Variants in INIP observed in about 807,000 individuals in gnomAD.
INIP encodes the protein INTS3 and NABP interacting protein.
Under a neutral mutation model 14.0 loss-of-function variants are expected in INIP, and 9 were observed. That is an observed-to-expected ratio of 0.64 (90% confidence interval 0.39 to 1.12). The LOEUF (loss-of-function observed/expected upper bound fraction) is 1.12, where lower values mean the gene tolerates loss of function less well. Among genes scored for constraint, INIP ranks in the 50% most tolerant of loss-of-function variants. The probability of loss-of-function intolerance (pLI) is 0.01; values close to 1 mark genes in which losing one functional copy is unlikely to be tolerated. For synonymous variants in INIP, 37 were observed against 41.5 expected (o/e 0.89, Z 0.41); for missense variants, 78 against 122.7 (o/e 0.64, Z 1.72).
In INIP at chr9:112,687,327, A is replaced by G. The variant is rs1008169998; in HGVS notation, c.*211T>C. ...TACAAAAAAGTTACAGTCACGGTAC[A>G]TAATCAATTCCTTGGACGATACAGC... is the stretch of plus-strand genomic sequence containing the variant. On this transcript the variant is annotated 3_prime_UTR_variant, in exon 5 of 5. Transcript: ENST00000374242. 2 of 454,740 alleles carry G rather than the reference A, an allele frequency of 4.4e-6. No individual in the cohort carries two copies. Among genetic ancestry groups the G allele is most frequent in the Non-Finnish European group, 4.0e-6 (1 of 249,862 alleles). The allele number at this position is 454,740 out of a possible 1,614,324, so 28.2% of individuals were successfully genotyped here. A position where few individuals can be genotyped will look rare whatever the true frequency, so the allele number is the denominator to read the frequency against.
At chr9:112,700,870 G>A (rs1184593412) in intron 2 of INIP, among the ~76,000 whole-genome samples, 4 of 151,890 alleles carry the variant, frequency 2.6e-5, no homozygotes, top group Non-Finnish European at 5.9e-5. Flanking sequence ...TATAGTTCCT[G>A]GCCAAGAGTG....
In INIP at chr9:112,708,441, C is replaced by G. The variant is rs533096656; in HGVS notation, c.25+8020G>C. 5.9e-5 allele frequency among the ~76,000 whole-genome samples: 9 copies of G among 152,176 alleles called. No homozygotes were observed. In the South Asian group the frequency reaches 1.0e-3, roughly 18 times the overall value. ...GTGGATGGAAATGCAGAGATACAAACGGATCCAATAGCTATTTAGGAAGTT... is the reference window on the plus strand; with the variant it reads ...GTGGATGGAAATGCAGAGATACAAAGGGATCCAATAGCTATTTAGGAAGTT... On this transcript the variant is annotated intron_variant, in intron 2 of 4. Transcript: ENST00000374242.
At chr9:112,715,133 TACAC>T (rs58647648) in intron 2 of INIP, among the ~76,000 whole-genome samples, 11,640 of 133,348 alleles carry the variant, frequency 0.087, 804 homozygotes, top group African/African-American at 0.21. Context: ...CATACATACA[TACAC>T]ACACACACAC....
intron 2 of INIP, among the ~76,000 whole-genome samples, chr9:112,698,539 T>C (rs1838181650): frequency 6.6e-6 from 1 of 152,140 alleles, no homozygotes; most frequent in African/African-American, 2.4e-5. Flanking sequence ...GAAACATAAT[T>C]AGCAAAGCAA....
At chr9:112,692,629 C>T (rs1437789298) in intron 3 of INIP, among the ~76,000 whole-genome samples, 3 of 151,562 alleles carry the variant, frequency 2.0e-5, no homozygotes, top group African/African-American at 2.4e-5. Context: ...AGACTGAATA[C>T]CTATAATAAA....
In INIP at chr9:112,689,579, C is replaced by T. The variant is rs1376185205; in HGVS notation, c.167G>A (p.Arg56Gln). Reference sequence around the variant, plus strand: ...AATATGCTGCTGCTCAGCGTGATCCCGGAAGTCCTTATTAAGAGAGGGTCT... The same window carrying T: ...AATATGCTGCTGCTCAGCGTGATCCTGGAAGTCCTTATTAAGAGAGGGTCT... ...LSRPSLNKDF[R>Q]DHAEQQHIAA... Residue 56 changes from arginine to glutamine, a missense_variant, in exon 4 of 5, where the codon CGG becomes CAG. Arg to Gln is a conservative substitution (Grantham distance 43). Coordinates refer to ENST00000374242, the MANE Select transcript of INIP (RefSeq NM_021218.3). The T allele has an allele frequency of 5.6e-6, 9 of 1,613,986 alleles. No individual in the cohort carries two copies. The highest frequency in any genetic ancestry group is 4.0e-5 in the African/African-American group (3 of 74,914).
intron 2 of INIP, among the ~76,000 whole-genome samples, chr9:112,704,189 T>C (rs1055287930): frequency 6.6e-6 from 1 of 152,218 alleles, no homozygotes; most frequent in Non-Finnish European, 1.5e-5. Context: ...GCACAGGCCC[T>C]AACACATACA....
rs954951558 is a variant in INIP, at chr9:112,685,096, T to C, written c.*2442A>G. 8.5e-5 allele frequency: 13 copies of C among 152,198 alleles called. No individual in the cohort carries two copies. Among genetic ancestry groups the C allele is most frequent in the African/African-American group, 3.1e-4 (13 of 41,418 alleles). 9.4% of individuals were successfully genotyped at this position (152,198 alleles called of 1,614,324 possible). A position where few individuals can be genotyped will look rare whatever the true frequency, so the allele number is the denominator to read the frequency against. The stretch of plus-strand genomic sequence containing the variant: ...CACTACTGCATTCTGGCTCGCTTGA[T>C]TGATTGATTTAGAGACAGGGTCTCA... On this transcript the variant is annotated 3_prime_UTR_variant, in exon 5 of 5. Coordinates refer to ENST00000374242, the MANE Select transcript of INIP (RefSeq NM_021218.3).
intron 2 of INIP, among the ~76,000 whole-genome samples, chr9:112,711,290 T>C (rs1040224597): frequency 6.6e-6 from 1 of 152,156 alleles, no homozygotes; most frequent in Non-Finnish European, 1.5e-5. Context: ...CCTCTGCTGG[T>C]TCCTAGTAGC....
At chr9:112,717,579 CG>C (rs1158187127) in intron 1 of INIP, among the ~76,000 whole-genome samples, 1 of 151,860 alleles carries the variant, frequency 6.6e-6, no homozygotes, top group Non-Finnish European at 1.5e-5. Flanking sequence ...GGCACAGTGC[CG>C]GAGGCAAAGA....
chr9:112,708,564 A>G (rs1838553794), intron 2 of INIP, among the ~76,000 whole-genome samples: 1 of 152,198 alleles, frequency 6.6e-6, no homozygotes, highest in African/African-American at 2.4e-5. Flanking sequence ...TTAAATATGC[A>G]TTAGTTTTCT....
intron 2 of INIP, among the ~76,000 whole-genome samples, chr9:112,708,625 T>A (rs1838555585): frequency 6.6e-6 from 1 of 152,256 alleles, no homozygotes; most frequent in South Asian, 2.1e-4. Context: ...ACGTCACAAA[T>A]CTATTTTCTT....
At chr9:112,709,303 T>C (rs1469474761) in intron 2 of INIP, among the ~76,000 whole-genome samples, 1 of 152,134 alleles carries the variant, frequency 6.6e-6, no homozygotes. Context: ...CTTTTGCCCC[T>C]TGTCTCAAGC....
chr9:112,716,743 G>C (rs941021034), intron 1 of INIP, among the ~76,000 whole-genome samples: 3 of 151,854 alleles, frequency 2.0e-5, no homozygotes, highest in Non-Finnish European at 4.4e-5. Context: ...TCAGCAGATC[G>C]AGACCATCCT....
chr9:112,688,829 C>T (rs62575236), intron 4 of INIP, among the ~76,000 whole-genome samples: 11,127 of 151,952 alleles, frequency 0.073, 519 homozygotes, highest in South Asian at 0.11. Context: ...GGTGACAGAG[C>T]GTGAGACCTT....
At chr9:112,699,211 G>A (rs570204540) in intron 2 of INIP, among the ~76,000 whole-genome samples, 4 of 151,300 alleles carry the variant, frequency 2.6e-5, no homozygotes, top group African/African-American at 4.9e-5. Flanking sequence ...TAGTCCCAGT[G>A]ACTCAGGAGG....
In INIP at chr9:112,687,521, CA is replaced by C; in HGVS notation, c.*16del. ...ATTTGATATTACAAAGTCACTTTTC[CA>C]TCGCAAATGTTTTCTTCATTCTGGG... On this transcript the variant is annotated 3_prime_UTR_variant, in exon 5 of 5. Coordinates refer to ENST00000374242, the MANE Select transcript of INIP (RefSeq NM_021218.3). 1 of 1,506,866 alleles carries C rather than the reference CA, an allele frequency of 6.6e-7. No homozygotes were observed. The highest frequency in any genetic ancestry group is 1.1e-5 in the South Asian group (1 of 87,874). 93.3% of individuals were successfully genotyped at this position (1,506,866 alleles called of 1,614,324 possible).
chr9:112,696,836 C>T (rs1032675411), intron 2 of INIP, among the ~76,000 whole-genome samples: 3 of 152,170 alleles, frequency 2.0e-5, no homozygotes, highest in South Asian at 2.1e-4. Flanking sequence ...AGAGATGCAT[C>T]GGGCCAGGCA....
chr9:112,700,538 T>TA (rs112196431), intron 2 of INIP, among the ~76,000 whole-genome samples: 7,066 of 122,094 alleles, frequency 0.058, 207 homozygotes, highest in East Asian at 0.12. Context: ...TATATATATA[T>TA]TATATATACC....
Sources: allele counts gnomAD v4.1 joint callset (sites outside exome capture counted in the v4.1 genomes callset), GRCh38; gene constraint gnomAD v4.1.1; transcripts MANE v1.5; gene names NCBI Gene and HGNC (gene_info 2026-07-23, HGNC 2026-07-21).